The following ROBO2 variants were observed in gnomAD, a reference collection of about 807,000 sequenced individuals.
The protein encoded by ROBO2 is roundabout homolog 2.
In ROBO2, 53 loss-of-function variants were observed where a neutral mutation model predicts 160.8. The ratio of observed to expected loss-of-function variants is 0.33; its 90% CI spans 0.26 to 0.41. The LOEUF is 0.41. Ranked by LOEUF, ROBO2 falls within the 10% of genes least tolerant of loss-of-function variation. The pLI is 1.00. For synonymous variants in ROBO2, 664 were observed against 611.7 expected, an observed-to-expected ratio of 1.09 and a Z score of -1.26; for missense variants, 1,577 against 1,722.4, an observed-to-expected ratio of 0.92 and a Z score of 1.49.
chr3:77,098,821 A>T (rs1446521285), intron 2 of ROBO2, among the ~76,000 whole-genome samples: 2 of 152,046 alleles, frequency 1.3e-5, no homozygotes, highest in Admixed American at 6.5e-5. Flanking sequence ...GCGCCACTGC[A>T]CTCCAGCCTG....
At chr3:76,444,843 A>G (rs370389973) in intron 2 of ROBO2, among the ~76,000 whole-genome samples, 5 of 152,208 alleles carry the variant, frequency 3.3e-5, no homozygotes, top group Admixed American at 6.6e-5. Context: ...CTCAAAATAT[A>G]TGGGGAACAT....
At position 76,462,340 on chromosome 3, in the gene ROBO2, A is replaced by G. The variant is rs114799312; in HGVS notation, c.109+524738A>G. 5.4e-3 allele frequency among the ~76,000 whole-genome samples: 829 copies of G among 152,250 alleles called. 5 individuals carry two copies. The highest frequency in any genetic ancestry group is 0.016 in the African/African-American group (681 of 41,562). On this transcript the variant is annotated intron_variant, in intron 2 of 26. Transcript: ENST00000487694. ...TGAATTTTCACAGTTTAGAGCAGAA[A>G]CATTCGAGCGATTTTTTGATATGTT...
intron 2 of ROBO2, among the ~76,000 whole-genome samples, chr3:76,092,535 C>T (rs987498353): frequency 6.6e-6 from 1 of 152,076 alleles, no homozygotes; most frequent in Non-Finnish European, 1.5e-5. Context: ...GATTTGTTTC[C>T]TCTCAATACA....
chr3:77,393,509 T>A, intron 2 of ROBO2, among the ~76,000 whole-genome samples: 1 of 145,624 alleles, frequency 6.9e-6, no homozygotes, highest in East Asian at 2.1e-4. Context: ...TAGCACAGAG[T>A]AAGTTACTTA....
intron 2 of ROBO2, among the ~76,000 whole-genome samples, chr3:76,322,960 A>C (rs980096539): frequency 1.4e-4 from 22 of 152,320 alleles, no homozygotes; most frequent in Non-Finnish European, 2.6e-4. Context: ...GCCATTTATT[A>C]GTTGTATACT....
At chr3:77,600,604 GA>G (rs1466058711) in intron 19 of ROBO2, among the ~76,000 whole-genome samples, 2 of 152,132 alleles carry the variant, frequency 1.3e-5, no homozygotes. Context: ...TGTGAAATTG[GA>G]GCTCAAGTTG....
At chr3:76,750,605 T>C (rs1256051992) in intron 2 of ROBO2, among the ~76,000 whole-genome samples, 2 of 152,066 alleles carry the variant, frequency 1.3e-5, no homozygotes, top group Non-Finnish European at 2.9e-5. Context: ...AAAGTCAGGA[T>C]ACAAAATCAA....
intron 2 of ROBO2, among the ~76,000 whole-genome samples, chr3:77,113,093 A>C (rs1443254061): frequency 6.6e-6 from 1 of 152,208 alleles, no homozygotes; most frequent in Non-Finnish European, 1.5e-5. Flanking sequence ...CCGTTTGTGC[A>C]TACGTCTTGC....
intron 2 of ROBO2, among the ~76,000 whole-genome samples, chr3:76,528,566 A>G (rs1330954436): frequency 6.6e-6 from 1 of 152,012 alleles, no homozygotes; most frequent in East Asian, 1.9e-4. Context: ...ATTAGCTAGG[A>G]AAGATAAAGA....
At chr3:77,225,982 C>G (rs940032701) in intron 2 of ROBO2, among the ~76,000 whole-genome samples, 1 of 151,924 alleles carries the variant, frequency 6.6e-6, no homozygotes, top group African/African-American at 2.4e-5. Context: ...TCATGAGACT[C>G]ATGTAAGCAT....
intron 2 of ROBO2, among the ~76,000 whole-genome samples, chr3:77,438,160 GTCTC>G (rs79868053): frequency 0.28 from 42,028 of 151,010 alleles, 6,498 homozygotes; most frequent in Non-Finnish European, 0.35. Flanking sequence ...CTCTCTCTCT[GTCTC>G]TCTCGGCCTC....
In ROBO2 at chr3:76,862,714, C is replaced by G. The variant is rs13326876; in HGVS notation, c.110-235300C>G. Among the ~76,000 whole-genome samples, 217 of 152,134 alleles carry G rather than the reference C, an allele frequency of 1.4e-3. 1 individual carries two copies. Among genetic ancestry groups the G allele is most frequent in the African/African-American group, 5.1e-3 (211 of 41,534 alleles). On this transcript the variant is annotated intron_variant, in intron 2 of 26. Transcript: ENST00000487694. ...GGGAGAAGGGTTGGGGAATGTGAGACTGACCTTCCTGTTTCTGCTTTTTTC... is the reference window on the plus strand; with the variant it reads ...GGGAGAAGGGTTGGGGAATGTGAGAGTGACCTTCCTGTTTCTGCTTTTTTC...
intron 2 of ROBO2, among the ~76,000 whole-genome samples, chr3:77,310,822 T>C (rs2063482743): frequency 6.6e-6 from 1 of 151,150 alleles, no homozygotes; most frequent in South Asian, 2.1e-4. Context: ...AATATAGAAT[T>C]CAGTGTGGAT....
At chr3:76,911,321 T>C (rs1201103481) in intron 2 of ROBO2, among the ~76,000 whole-genome samples, 1 of 152,224 alleles carries the variant, frequency 6.6e-6, no homozygotes, top group Non-Finnish European at 1.5e-5. Context: ...AGGAATCTAA[T>C]GCTACTTTGT....
intron 2 of ROBO2, among the ~76,000 whole-genome samples, chr3:76,737,616 T>C (rs2093734864): frequency 6.6e-6 from 1 of 152,184 alleles, no homozygotes; most frequent in Non-Finnish European, 1.5e-5. Flanking sequence ...CTTAGCTATA[T>C]AAAATTCTAT....
At chr3:77,095,005 G>A (rs1414977560) in intron 1 of ROBO2, among the ~76,000 whole-genome samples, 1 of 152,018 alleles carries the variant, frequency 6.6e-6, no homozygotes, top group Non-Finnish European at 1.5e-5. Flanking sequence ...TCAAGCACAA[G>A]TATTTAAAAA....
At chr3:76,324,313 G>C (rs762445422) in intron 2 of ROBO2, among the ~76,000 whole-genome samples, 1 of 152,194 alleles carries the variant, frequency 6.6e-6, no homozygotes, top group Non-Finnish European at 1.5e-5. Flanking sequence ...TGCTCTTCTA[G>C]AACTGAAGCT....
intron 2 of ROBO2, among the ~76,000 whole-genome samples, chr3:77,157,194 G>T (rs948692752): frequency 6.6e-6 from 1 of 151,878 alleles, no homozygotes; most frequent in Non-Finnish European, 1.5e-5. Context: ...ATTCTCCTTT[G>T]ACTCACTGAT....
intron 2 of ROBO2, among the ~76,000 whole-genome samples, chr3:76,255,530 C>T (rs1706300492): frequency 6.6e-6 from 1 of 151,888 alleles, no homozygotes; most frequent in Non-Finnish European, 1.5e-5. Flanking sequence ...GAAAAATTTA[C>T]ATTGTAAACA....
Sources: allele counts gnomAD v4.1 joint callset (sites outside exome capture counted in the v4.1 genomes callset), GRCh38; gene constraint gnomAD v4.1.1; transcripts MANE v1.5; gene names NCBI Gene and HGNC (gene_info 2026-07-23, HGNC 2026-07-21).